Variants in CAMK1D observed in about 807,000 individuals in gnomAD.
CAMK1D encodes the protein calcium/calmodulin-dependent protein kinase type 1D.
Under a neutral mutation model 47.7 loss-of-function variants are expected in CAMK1D, and 9 were observed. That is an observed-to-expected ratio of 0.19 (90% confidence interval 0.11 to 0.33). The LOEUF (loss-of-function observed/expected upper bound fraction) is 0.33. Ranked by LOEUF, CAMK1D falls within the 10% of genes least tolerant of loss-of-function variation. The pLI, the probability that CAMK1D is intolerant of heterozygous loss-of-function variation, is 1.00. For synonymous variants in CAMK1D, 184 were observed against 184.9 expected (o/e 0.99, Z 0.04); for missense variants, 291 against 488.7 (o/e 0.60, Z 3.81).
At chr10:12,825,771 C>T (rs751222672) in intron 10 of CAMK1D, 81 bp downstream of exon 10, 16 of 1,598,102 alleles carry the variant, frequency 1.0e-5, no homozygotes, top group South Asian at 5.6e-5. Context: ...CGGCATCTGC[C>T]GAGCACCTCC....
chr10:12,563,664 T>TGAGAGAGAGA lies in CAMK1D; in HGVS notation c.224+10334_224+10343dup, dbSNP rs373932374. ...GGCATTCCAGAAGAGGCGGAAGGTT[T>TGAGAGAGAGA]GAGAGAGAGAGAGAGAGAGAGAGAG... On this transcript the variant is annotated intron_variant, in intron 2 of 10. Transcript: ENST00000619168. Among the ~76,000 whole-genome samples, 324 of 130,110 alleles carry TGAGAGAGAGA rather than the reference T, an allele frequency of 2.5e-3. 2 individuals carry two copies. The highest frequency in any genetic ancestry group is 0.013 in the East Asian group (50 of 3,864). The allele number at this position is 130,110 out of a possible 152,430, so 85.4% of individuals were successfully genotyped here.
rs562546912 is a variant in CAMK1D, at chr10:12,431,475, G to T, written c.92+81565G>T. The stretch of plus-strand genomic sequence containing the variant: ...AGAGAGGCCGATTCTCAGACTCCAA[G>T]AGAGTCAGTTATGTGCACTCCCGAG... On this transcript the variant is annotated intron_variant, in intron 1 of 10. Coordinates refer to ENST00000619168, the MANE Select transcript of CAMK1D (RefSeq NM_153498.4). 2.0e-5 allele frequency among the ~76,000 whole-genome samples: 3 copies of T among 152,328 alleles called. No individual in the cohort carries two copies. In the South Asian group the frequency reaches 6.2e-4, roughly 32 times the overall value.
intron 1 of CAMK1D, among the ~76,000 whole-genome samples, chr10:12,531,498 A>C (rs1835803490): frequency 6.6e-6 from 1 of 152,196 alleles, no homozygotes; most frequent in African/African-American, 2.4e-5. Context: ...AATTATTTGG[A>C]ACCAAGTTAC....
intron 2 of CAMK1D, among the ~76,000 whole-genome samples, chr10:12,639,759 T>C (rs1036963095): frequency 2.6e-5 from 4 of 152,244 alleles, no homozygotes; most frequent in Non-Finnish European, 5.9e-5. Flanking sequence ...TGCTTGATAA[T>C]GTAAGCCCTT....
chr10:12,586,816 A>T (rs970895573), intron 2 of CAMK1D, among the ~76,000 whole-genome samples: 1 of 152,246 alleles, frequency 6.6e-6, no homozygotes, highest in Non-Finnish European at 1.5e-5. Flanking sequence ...TCTTTTAAGT[A>T]AATAAATGAA....
At chr10:12,442,335 G>A (rs1832807572) in intron 1 of CAMK1D, among the ~76,000 whole-genome samples, 4 of 152,088 alleles carry the variant, frequency 2.6e-5, no homozygotes, top group Admixed American at 1.3e-4. Context: ...CAAAAAATTA[G>A]CCAGATGTGG....
intron 1 of CAMK1D, among the ~76,000 whole-genome samples, chr10:12,374,720 G>A (rs954362062): frequency 6.6e-6 from 1 of 151,966 alleles, no homozygotes; most frequent in African/African-American, 2.4e-5. Flanking sequence ...AGGCGGGTGG[G>A]ATCACAAGGT....
At chr10:12,740,652 T>A (rs1279733270) in intron 3 of CAMK1D, among the ~76,000 whole-genome samples, 3 of 152,090 alleles carry the variant, frequency 2.0e-5, no homozygotes, top group Non-Finnish European at 4.4e-5. Context: ...GCAGGTAGGA[T>A]GGACTGATGA....
chr10:12,694,298 A>ATG, intron 3 of CAMK1D, among the ~76,000 whole-genome samples: 5 of 72,466 alleles, frequency 6.9e-5, no homozygotes, highest in Non-Finnish European at 1.2e-4. Context: ...AATATATATT[A>ATG]TATATAAAAT....
At chr10:12,659,533 T>C (rs1170873905) in intron 2 of CAMK1D, among the ~76,000 whole-genome samples, 2 of 152,244 alleles carry the variant, frequency 1.3e-5, no homozygotes, top group African/African-American at 4.8e-5. Flanking sequence ...AATATTTCAG[T>C]GCTATCACTG....
intron 2 of CAMK1D, among the ~76,000 whole-genome samples, chr10:12,622,412 A>G (rs1020627100): frequency 6.6e-6 from 1 of 151,904 alleles, no homozygotes; most frequent in East Asian, 1.9e-4. Flanking sequence ...TGTATCTTGG[A>G]TACGGGAGGC....
intron 1 of CAMK1D, among the ~76,000 whole-genome samples, chr10:12,435,221 CAAAAAAA>C (rs910066372): frequency 2.0e-4 from 9 of 44,022 alleles, no homozygotes; most frequent in African/African-American, 8.6e-4. Flanking sequence ...AACTCTGTCT[CAAAAAAA>C]AAAAAAAAAA....
intron 8 of CAMK1D, among the ~76,000 whole-genome samples, chr10:12,819,744 G>GGTGGGAGATGGAGT (rs1832949017): frequency 6.6e-6 from 1 of 152,164 alleles, no homozygotes; most frequent in Non-Finnish European, 1.5e-5. Flanking sequence ...AACCCAATCT[G>GGTGGGAGATGGAGT]GTGGGAGATG....
At chr10:12,407,173 G>A (rs1239858008) in intron 1 of CAMK1D, among the ~76,000 whole-genome samples, 1 of 152,114 alleles carries the variant, frequency 6.6e-6, no homozygotes, top group Admixed American at 6.5e-5. Flanking sequence ...TGCGTTCATG[G>A]CCAGACCTCT....
intron 1 of CAMK1D, among the ~76,000 whole-genome samples, chr10:12,368,899 C>G (rs576347472): frequency 6.6e-6 from 1 of 152,274 alleles, no homozygotes; most frequent in African/African-American, 2.4e-5. Context: ...CTCACTGCAA[C>G]CTCTGTCTCC....
At chr10:12,361,965 C>G (rs1016465138) in intron 1 of CAMK1D, among the ~76,000 whole-genome samples, 7 of 152,152 alleles carry the variant, frequency 4.6e-5, no homozygotes, top group African/African-American at 1.7e-4. Context: ...TGGAGCCTCC[C>G]CTACCCCCCG....
intron 3 of CAMK1D, among the ~76,000 whole-genome samples, chr10:12,727,823 G>T (rs1564520105): frequency 6.6e-6 from 1 of 151,694 alleles, no homozygotes; most frequent in Admixed American, 6.6e-5. Flanking sequence ...GAGTACAGGG[G>T]CGCGCGATCT....
chr10:12,389,611 G>C (rs959728431), intron 1 of CAMK1D, among the ~76,000 whole-genome samples: 1 of 152,124 alleles, frequency 6.6e-6, no homozygotes, highest in Admixed American at 6.5e-5. Flanking sequence ...TGAGCCTCTC[G>C]GAGGCTGGAG....
chr10:12,654,339 G>A (rs1840061170), intron 2 of CAMK1D, among the ~76,000 whole-genome samples: 1 of 152,212 alleles, frequency 6.6e-6, no homozygotes, highest in South Asian at 2.1e-4. Context: ...TCTCACATCA[G>A]TGAAGCTAGG....
Sources: gnomAD v4.1 joint callset for allele counts (sites outside exome capture counted in the v4.1 genomes callset) on GRCh38, gnomAD v4.1.1 for gene constraint, MANE v1.5 for transcripts, NCBI Gene and HGNC (gene_info 2026-07-23, HGNC 2026-07-21) for gene names.